The following PFKFB1 variants were observed in gnomAD, a reference collection of about 807,000 sequenced individuals.
PFKFB1 encodes 6-phosphofructo-2-kinase/fructose-2,6-bisphosphatase 1.
Under a neutral mutation model 46.4 loss-of-function variants are expected in PFKFB1, and 34 were observed. The ratio of observed to expected loss-of-function variants is 0.73; its 90% CI spans 0.56 to 0.98. The LOEUF is 0.98. PFKFB1 is among the 50% of genes least tolerant of loss of function. The pLI, the probability that PFKFB1 is intolerant of heterozygous loss-of-function variation, is 0.00. For missense variants in PFKFB1, 393 were observed against 376.3 expected, an observed-to-expected ratio of 1.04 and a Z score of -0.37; for synonymous variants, 119 against 133.8, an observed-to-expected ratio of 0.89 and a Z score of 0.76.
At chrX:54,962,546 TTAGA>T (rs1218385346) in intron 2 of PFKFB1, among the ~76,000 whole-genome samples, 2 of 111,038 alleles carry the variant, frequency 1.8e-5, no homozygotes, top group Non-Finnish European at 3.8e-5. Flanking sequence ...CACCAGTGAA[TTAGA>T]TAAAGAGAAC....
chrX:54,933,976 A>C, intron 12 of PFKFB1, 91 bp from the exon 13 acceptor site: 1 of 657,033 alleles, frequency 1.5e-6, no homozygotes, highest in Non-Finnish European at 2.5e-6. Flanking sequence ...ATCACCAGCC[A>C]CACCCCCAGC....
At chrX:54,945,719 T>C (rs763602756) in intron 9 of PFKFB1, among the ~76,000 whole-genome samples, 176 bp from the exon 10 acceptor site, 243 of 101,396 alleles carry the variant, frequency 2.4e-3, no homozygotes, top group African/African-American at 8.9e-3. Context: ...TGTGTGTGTG[T>C]GCGTGTGTGT....
In PFKFB1 at chrX:54,959,847, G is replaced by A. The variant is rs1438446795; in HGVS notation, c.364C>T (p.His122Tyr). The A allele has an allele frequency of 3.3e-6, 4 of 1,207,255 alleles. No individual in the cohort carries two copies. In the South Asian group the frequency reaches 7.1e-5, roughly 21 times the overall value. The change falls in exon 4 of 14, where the codon CAT becomes TAT. Residue 122 changes from histidine to tyrosine, a missense_variant. His to Tyr is a moderately conservative substitution (Grantham distance 83, BLOSUM62 2). Transcript: ENST00000375006. Reference protein sequence around the residue: ...ALKDVHNYLSHEEGHVAVFDA... With the variant: ...ALKDVHNYLSYEEGHVAVFDA... Reference sequence around the variant, plus strand: ...TTTACCGCAACATGACCTTCCTCATGGCTGAGATAGTTGTGAACATCCTTC... The same window carrying A: ...TTTACCGCAACATGACCTTCCTCATAGCTGAGATAGTTGTGAACATCCTTC...
At chrX:54,989,856 A>T (rs1017513286) in intron 1 of PFKFB1, among the ~76,000 whole-genome samples, 7 of 112,038 alleles carry the variant, frequency 6.2e-5, no homozygotes, top group African/African-American at 2.3e-4. Flanking sequence ...TTGCTAGATG[A>T]TAATCAGTAG....
chrX:54,944,080 A>C (rs779956662), intron 10 of PFKFB1, among the ~76,000 whole-genome samples: 1 of 111,705 alleles, frequency 9.0e-6, no homozygotes, highest in Non-Finnish European at 1.9e-5. Flanking sequence ...TTTTGTTAAT[A>C]ATGAATATTA....
At chrX:54,987,849 A>G (rs150998026) in intron 1 of PFKFB1, among the ~76,000 whole-genome samples, 1,509 of 111,214 alleles carry the variant, frequency 0.014, 7 homozygotes, top group Non-Finnish European at 0.021. Flanking sequence ...AAAGACACCA[A>G]TGAAAAACCC....
Position 54,958,422 on chromosome X carries a change from A to C in PFKFB1, c.460-60T>G, listed in dbSNP as rs928165582. On this transcript the variant is annotated intron_variant, in intron 5 of 13. Coordinates refer to ENST00000375006, the MANE Select transcript of PFKFB1 (RefSeq NM_002625.4). ...AAATTATGTTTGGTAGGAGCTGAACATAGCTTTACTCCTTTTCAATGGCTC... is the reference window on the plus strand; with the variant it reads ...AAATTATGTTTGGTAGGAGCTGAACCTAGCTTTACTCCTTTTCAATGGCTC... 3 of 711,551 alleles carry C rather than the reference A, an allele frequency of 4.2e-6. No homozygotes were observed. The African/African-American group carries it at 6.3e-5, about 15-fold the overall frequency. The allele number at this position is 711,551 out of a possible 1,213,427, so 58.6% of individuals were successfully genotyped here.
chrX:54,963,835 C>T (rs1474814963), intron 1 of PFKFB1, among the ~76,000 whole-genome samples: 1 of 112,376 alleles, frequency 8.9e-6, no homozygotes, highest in Admixed American at 9.4e-5. Flanking sequence ...GAAAGATATC[C>T]TGTAGTTCTG....
chrX:54,934,174 T>C (rs998304789), intron 12 of PFKFB1, among the ~76,000 whole-genome samples: 4 of 112,069 alleles, frequency 3.6e-5, no homozygotes, highest in African/African-American at 1.3e-4. Context: ...AGAGATGAAC[T>C]CTGGCTGCCC....
At chrX:54,935,986 G>C (rs1033976667) in intron 11 of PFKFB1, among the ~76,000 whole-genome samples, 5 of 111,269 alleles carry the variant, frequency 4.5e-5, no homozygotes, top group African/African-American at 1.6e-4. Context: ...CATTAGGTTG[G>C]CTTTTTTCCT....
chrX:54,954,027 T>C (rs996576076), intron 7 of PFKFB1, among the ~76,000 whole-genome samples: 9 of 111,996 alleles, frequency 8.0e-5, no homozygotes, highest in African/African-American at 2.3e-4. Context: ...ACACCAAAAA[T>C]AGCAGAGTAG....
chrX:54,980,664 G>GT (rs1934959260), intron 1 of PFKFB1, among the ~76,000 whole-genome samples: 1 of 104,950 alleles, frequency 9.5e-6, no homozygotes, highest in Non-Finnish European at 2.0e-5. Context: ...ATTTATGTGG[G>GT]TTTGGGGCTG....
chrX:54,969,009 A>G (rs1934559520), intron 1 of PFKFB1, among the ~76,000 whole-genome samples: 2 of 112,043 alleles, frequency 1.8e-5, no homozygotes. Context: ...TAAAATAGAT[A>G]ATTAATATAC....
At chrX:54,995,623 A>G (rs1352209540), upstream of PFKFB1, among the ~76,000 whole-genome samples, 1 of 112,451 alleles carries the variant, frequency 8.9e-6, no homozygotes, top group African/African-American at 3.2e-5. Context: ...TAAACTTTTC[A>G]GTGCTTCAGT....
intron 1 of PFKFB1, among the ~76,000 whole-genome samples, chrX:54,983,681 C>T (rs894715627): frequency 1.8e-5 from 2 of 112,022 alleles, no homozygotes; most frequent in African/African-American, 6.5e-5. Context: ...TGGGTATATA[C>T]CCAGTAATGG....
At chrX:54,938,705 T>A (rs775387359) in intron 10 of PFKFB1, among the ~76,000 whole-genome samples, 3 of 111,560 alleles carry the variant, frequency 2.7e-5, no homozygotes, top group Non-Finnish European at 5.6e-5. Flanking sequence ...CCTAAATATA[T>A]ATGCACCCAA....
chrX:54,965,845 A>C (rs775156466), intron 1 of PFKFB1, among the ~76,000 whole-genome samples: 1 of 111,438 alleles, frequency 9.0e-6, no homozygotes, highest in East Asian at 2.8e-4. Flanking sequence ...TTTAAAGGTG[A>C]ACCAAATTAT....
At chrX:54,936,160 C>A (rs1933382614) in intron 11 of PFKFB1, among the ~76,000 whole-genome samples, 1 of 111,259 alleles carries the variant, frequency 9.0e-6, no homozygotes. Flanking sequence ...AGGGAAGTGA[C>A]TTGCCTGAGA....
chrX:54,969,118 G>T (rs765118106), intron 1 of PFKFB1, among the ~76,000 whole-genome samples: 1 of 111,578 alleles, frequency 9.0e-6, no homozygotes, highest in African/African-American at 3.2e-5. Flanking sequence ...CCCATGGTAT[G>T]GTTTGAATAC....
Sources: gnomAD v4.1 joint callset for allele counts (sites outside exome capture counted in the v4.1 genomes callset) on GRCh38, gnomAD v4.1.1 for gene constraint, MANE v1.5 for transcripts, NCBI Gene and HGNC (gene_info 2026-07-23, HGNC 2026-07-21) for gene names.